TADA2B: variants seen among roughly 807,000 people sequenced by gnomAD.
TADA2B encodes transcriptional adaptor 2B.
A neutral mutation model predicts 34.5 loss-of-function variants in TADA2B; 13 were observed. That is an observed-to-expected ratio of 0.38 (90% CI 0.25 to 0.60). The LOEUF is 0.60. Ranked by LOEUF, TADA2B falls within the 20% of genes least tolerant of loss-of-function variation. The pLI is 0.65. For missense variants in TADA2B, 442 were observed against 575.0 expected, an observed-to-expected ratio of 0.77 and a Z score of 2.37; for synonymous variants, 240 against 243.4, an observed-to-expected ratio of 0.99 and a Z score of 0.13.
chr4:7,054,586 C>A lies in TADA2B; in HGVS notation c.795C>A (p.Phe265Leu). The A allele has an allele frequency of 6.2e-7, 1 of 1,613,950 alleles. No individual in the cohort carries two copies. Among genetic ancestry groups the A allele is most frequent in the African/African-American group, 1.3e-5 (1 of 75,056 alleles). ...TGAAGCTGAGGCCGCTGTACCAGTT[C>A]ATGTCATGCAAGGAGTTTGATGACC... ...LRLKLRPLYQ[F>L]MSCKEFDDLF... The change falls in exon 2 of 2, where the codon TTC becomes TTA. Residue 265 changes from phenylalanine (F) to leucine (L), a missense_variant. Phe to Leu is a conservative substitution (Grantham distance 22). This residue lies in a region of TADA2B where 222 missense variants were observed against 235.2 expected (regional missense o/e 0.94). Transcript: ENST00000310074.
chr4:7,048,754 A>C (rs1723696477), intron 1 of TADA2B, among the ~76,000 whole-genome samples: 1 of 151,298 alleles, frequency 6.6e-6, no homozygotes, highest in Non-Finnish European at 1.5e-5. Flanking sequence ...CCCCTTCCCC[A>C]GTCCCTGGCA....
chr4:7,053,969 G>C, intron 1 of TADA2B, 93 bp from the exon 2 acceptor site: 1 of 1,412,616 alleles, frequency 7.1e-7, no homozygotes, highest in South Asian at 1.4e-5. Flanking sequence ...AAGTACTCTA[G>C]GTCAGCCTTT....
intron 1 of TADA2B, 122 bp downstream of exon 1, chr4:7,043,971 G>C (rs1723552463): frequency 8.0e-7 from 1 of 1,253,066 alleles, no homozygotes; most frequent in Non-Finnish European, 1.0e-6. Context: ...GAAGGCCCCG[G>C]AGGTGGGGAG....
At chr4:7,052,324 C>A (rs765213394) in intron 1 of TADA2B, among the ~76,000 whole-genome samples, 13 of 152,278 alleles carry the variant, frequency 8.5e-5, no homozygotes, top group Non-Finnish European at 1.5e-4. Flanking sequence ...GGTTTCCACC[C>A]AACATGACCC....
Position 7,054,545 on chromosome 4 carries a change from G to A in TADA2B, c.754G>A (p.Glu252Lys). 1.9e-6 allele frequency: 3 copies of A among 1,613,906 alleles called. No individual in the cohort carries two copies. The highest frequency in any genetic ancestry group is 2.5e-6 in the Non-Finnish European group (3 of 1,179,910). The stretch of plus-strand genomic sequence containing the variant: ...GCTGAAGCGCAAGATCACCAAGGAG[G>A]AGAAGGAGCTGCGCCTGAAGCTGAG... ...KALKRKITKEEKELRLKLRPL... is the reference protein window; with the variant it reads ...KALKRKITKEKKELRLKLRPL... Residue 252 changes from glutamate (E) to lysine (K), a missense_variant, in exon 2 of 2, where the codon GAG becomes AAG. By Grantham distance (56) the Glu-to-Lys change is moderately conservative. Coordinates refer to ENST00000310074, the MANE Select transcript of TADA2B (RefSeq NM_152293.3).
Position 7,043,814 on chromosome 4 carries a change from C to A in TADA2B, c.235C>A (p.Leu79Met). The change falls in exon 1 of 2, where the codon CTG (leucine) becomes ATG (methionine). Residue 79 changes from leucine to methionine, a missense_variant. Leu to Met is a conservative substitution (Grantham distance 15). Coordinates refer to ENST00000310074, the MANE Select transcript of TADA2B (RefSeq NM_152293.3). ...GWTSREEQLLLDAIEQFGFGN... is the reference protein window; with the variant it reads ...GWTSREEQLLMDAIEQFGFGN... ...GACCAGTCGCGAGGAGCAGCTGCTGCTGGACGCCATCGAGCAGTTCGGCTT... is the reference window on the plus strand; with the variant it reads ...GACCAGTCGCGAGGAGCAGCTGCTGATGGACGCCATCGAGCAGTTCGGCTT... 1 of 1,516,322 alleles carries A rather than the reference C, an allele frequency of 6.6e-7. No individual in the cohort carries two copies. The highest frequency in any genetic ancestry group is 8.8e-7 in the Non-Finnish European group (1 of 1,131,736). The allele number at this position is 1,516,322 out of a possible 1,614,324, so 93.9% of individuals were successfully genotyped here.
At position 7,056,966 on chromosome 4, in the gene TADA2B, C is replaced by T. The variant is rs1723905334; in HGVS notation, c.*1912C>T. The T allele has an allele frequency of 3.9e-5, 6 of 152,202 alleles. No homozygotes were observed. The highest frequency in any genetic ancestry group is 3.9e-4 in the Admixed American group (6 of 15,278). 9.4% of individuals were successfully genotyped at this position (152,202 alleles called of 1,614,324 possible). Reference sequence around the variant, plus strand: ...CCTCCTGAATCAAAATGGTGTGCGGCAGGGTGCAGCGAGCTGTTTTCACGA... The same window carrying T: ...CCTCCTGAATCAAAATGGTGTGCGGTAGGGTGCAGCGAGCTGTTTTCACGA... On this transcript the variant is annotated 3_prime_UTR_variant, in exon 2 of 2. Transcript: ENST00000310074.
At chr4:7,050,117 GCT>G (rs1723726932) in intron 1 of TADA2B, among the ~76,000 whole-genome samples, 1 of 152,266 alleles carries the variant, frequency 6.6e-6, no homozygotes, top group South Asian at 2.1e-4. Context: ...ACATGTCAGG[GCT>G]CTCTGACCTG....
At chr4:7,043,957 C>T in intron 1 of TADA2B, 108 bp downstream of exon 1, 1 of 1,304,954 alleles carries the variant, frequency 7.7e-7, no homozygotes, top group Non-Finnish European at 9.8e-7. Flanking sequence ...CGCTCCGCAC[C>T]CCAGAAGGCC....
At chr4:7,047,023 G>A in intron 1 of TADA2B, among the ~76,000 whole-genome samples, 1 of 152,156 alleles carries the variant, frequency 6.6e-6, no homozygotes, top group Non-Finnish European at 1.5e-5. Flanking sequence ...AAAGGACCTT[G>A]GCTACAGTGG....
chr4:7,046,611 G>A (rs558964728), intron 1 of TADA2B, among the ~76,000 whole-genome samples: 1 of 152,344 alleles, frequency 6.6e-6, no homozygotes, highest in African/African-American at 2.4e-5. Context: ...GAGGCCATCG[G>A]TGCCACCGCA....
chr4:7,050,260 T>C (rs1389469534), intron 1 of TADA2B, among the ~76,000 whole-genome samples: 1 of 152,202 alleles, frequency 6.6e-6, no homozygotes, highest in Non-Finnish European at 1.5e-5. Context: ...CTTTAGGACA[T>C]AGTCCAGTCC....
Position 7,054,567 on chromosome 4 carries a change from T to C in TADA2B, c.776T>C (p.Leu259Pro). 6.2e-7 allele frequency: 1 copy of C among 1,613,880 alleles called. No individual in the cohort carries two copies. The highest frequency in any genetic ancestry group is 8.5e-7 in the Non-Finnish European group (1 of 1,179,890). The change falls in exon 2 of 2, where the codon CTG (leucine) becomes CCG (proline). Residue 259 changes from leucine (L) to proline (P), a missense_variant. Leu to Pro is a moderately conservative substitution (Grantham distance 98, BLOSUM62 -3). Around this residue, in one of 4 missense-constraint regions of TADA2B, gnomAD observed 222 missense variants for 235.2 expected, o/e 0.94. Transcript: ENST00000310074. ...GAGGAGAAGGAGCTGCGCCTGAAGCTGAGGCCGCTGTACCAGTTCATGTCA... is the reference window on the plus strand; with the variant it reads ...GAGGAGAAGGAGCTGCGCCTGAAGCCGAGGCCGCTGTACCAGTTCATGTCA... ...TKEEKELRLK[L>P]RPLYQFMSCK...
At chr4:7,044,454 G>A (rs1723571179) in intron 1 of TADA2B, among the ~76,000 whole-genome samples, 1 of 152,190 alleles carries the variant, frequency 6.6e-6, no homozygotes, top group Non-Finnish European at 1.5e-5. Context: ...GGCCTGGGAG[G>A]CCTGGGGCTT....
intron 1 of TADA2B, among the ~76,000 whole-genome samples, chr4:7,050,496 C>A (rs1468927218): frequency 1.3e-5 from 2 of 152,244 alleles, no homozygotes; most frequent in African/African-American, 4.8e-5. Flanking sequence ...CCCCAAACCA[C>A]CGGGAGAAGC....
At chr4:7,047,677 C>T (rs1156803256) in intron 1 of TADA2B, among the ~76,000 whole-genome samples, 1 of 152,234 alleles carries the variant, frequency 6.6e-6, no homozygotes, top group African/African-American at 2.4e-5. Flanking sequence ...CTCAGGATGT[C>T]CTGCGGAGGG....
At chr4:7,052,745 A>C (rs1460582793) in intron 1 of TADA2B, 2 of 5,160 alleles carry the variant, frequency 3.9e-4, no homozygotes, top group African/African-American at 4.8e-3. Flanking sequence ...GATTTGCTAC[A>C]AACGGTGTTT....
At chr4:7,049,059 T>C (rs1723702115) in intron 1 of TADA2B, among the ~76,000 whole-genome samples, 1 of 150,806 alleles carries the variant, frequency 6.6e-6, no homozygotes, top group South Asian at 2.1e-4. Flanking sequence ...TAAATAAAAG[T>C]GGAATTGCTA....
chr4:7,050,147 C>G (rs1036470969), intron 1 of TADA2B, among the ~76,000 whole-genome samples: 3 of 152,256 alleles, frequency 2.0e-5, no homozygotes, highest in African/African-American at 7.2e-5. Context: ...GGGAAATGCA[C>G]GCGTGGGCTC....
Sources: allele counts gnomAD v4.1 joint callset (sites outside exome capture counted in the v4.1 genomes callset), GRCh38; gene constraint gnomAD v4.1.1; regional missense constraint gnomAD v4.1.1; transcripts MANE v1.5; gene names NCBI Gene and HGNC (gene_info 2026-07-23, HGNC 2026-07-21).